The following PCDHGC3 variants were observed in gnomAD, a reference collection of about 807,000 sequenced individuals.
PCDHGC3 encodes the protein protocadherin gamma subfamily C, 3, also known as protocadherin gamma-C3.
PCDHGC3 carries 26 observed loss-of-function variants against 59.2 expected under a neutral mutation model. The observed-to-expected ratio is 0.44, with a 90% CI of 0.32 to 0.61. The LOEUF (loss-of-function observed/expected upper bound fraction) is 0.61, where lower values mean the gene tolerates loss of function less well. Ranked by LOEUF, PCDHGC3 falls within the 20% of genes least tolerant of loss-of-function variation. PCDHGC3 has a pLI of 0.05. For missense variants in PCDHGC3, 1,080 were observed against 1,221.8 expected (o/e 0.88, Z 1.73); for synonymous variants, 487 against 519.7 (o/e 0.94, Z 0.86).
rs2099748032 is a variant in PCDHGC3 at position 141,493,397 on chromosome 5, G to A, written c.2431-1410G>A. ...TTAAAAGCTTGAGGACAGGAGAGGG[G>A]AGTTGCCTCTGCTGGGATTTTGCTT... On this transcript the variant is annotated intron_variant, in intron 1 of 3. Coordinates refer to ENST00000308177, the MANE Select transcript of PCDHGC3 (RefSeq NM_002588.4). This position sits in a 1 kb window ranked among gnomAD's most constrained non-coding sequence, Gnocchi z 4.3. Among the ~76,000 whole-genome samples the A allele has an allele frequency of 6.6e-6, 1 of 152,176 alleles. No individual in the cohort carries two copies. Among genetic ancestry groups the A allele is most frequent in the Non-Finnish European group, 1.5e-5 (1 of 68,040 alleles).
At position 141,477,758 on chromosome 5, in the gene PCDHGC3, G is replaced by A; in HGVS notation, c.1642G>A (p.Ala548Thr). 2 of 1,613,924 alleles carry A rather than the reference G, an allele frequency of 1.2e-6. No homozygotes were observed. The highest frequency in any genetic ancestry group is 1.7e-5 in the Admixed American group (1 of 60,022). Residue 548 changes from alanine to threonine, a missense_variant, in exon 1 of 4, where the codon GCC (alanine) becomes ACC (threonine). Transcript: ENST00000308177. The surrounding 1 kb of genome is among the most constrained non-coding windows in gnomAD (Gnocchi z 4.9). ...HISDGGTPVL[A>T]TNISVNIFVT... ...CAGCGATGGGGGCACCCCGGTCCTA[G>A]CCACCAACATCAGCGTGAACATATT...
rs201391904 is a variant in PCDHGC3, at chr5:141,494,843, G to A, written c.2467G>A (p.Ala823Thr). Residue 823 changes from alanine to threonine, a missense_variant, in exon 2 of 4, where the codon GCC becomes ACC. Transcript: ENST00000308177. ...PPNTDWRFSQ[A>T]QRPGTSGSQN... is the part of the protein sequence containing the mutation. ...CAACACGGACTGGCGTTTCTCTCAG[G>A]CCCAGAGACCCGGCACCAGCGGGTA... 1.9e-6 allele frequency: 3 copies of A among 1,614,088 alleles called. No homozygotes were observed. Among genetic ancestry groups the A allele is most frequent in the Admixed American group, 3.3e-5 (2 of 60,008 alleles).
Position 141,490,293 on chromosome 5 carries a change from A to G in PCDHGC3, c.2431-4514A>G, listed in dbSNP as rs1316965652. On this transcript the variant is annotated intron_variant, in intron 1 of 3. Transcript: ENST00000308177. The surrounding 1 kb of genome is among the most constrained non-coding windows in gnomAD (Gnocchi z 5.4). ...TCAATGACAATGCCCCAGAGGTGCTATTGGCCTCTTTGGCCAACCCTGTCC... is the reference window on the plus strand; with the variant it reads ...TCAATGACAATGCCCCAGAGGTGCTGTTGGCCTCTTTGGCCAACCCTGTCC... The G allele has an allele frequency of 1.2e-6, 2 of 1,614,190 alleles. No individual in the cohort carries two copies. The highest frequency in any genetic ancestry group is 8.5e-7 in the Non-Finnish European group (1 of 1,180,028).
chr5:141,486,083 C>T lies in PCDHGC3; in HGVS notation c.2430+7537C>T, dbSNP rs367657659. On this transcript the variant is annotated intron_variant, in intron 1 of 3. Coordinates refer to ENST00000308177, the MANE Select transcript of PCDHGC3 (RefSeq NM_002588.4). This position sits in a 1 kb window ranked among gnomAD's most constrained non-coding sequence, Gnocchi z 5.0. ...GCACCCCACTACTGGAAAGCTTACTCTTTTGGGGCCCCTAGACTTTGAGAG... is the reference window on the plus strand; with the variant it reads ...GCACCCCACTACTGGAAAGCTTACTTTTTTGGGGCCCCTAGACTTTGAGAG... The T allele has an allele frequency of 1.2e-6, 2 of 1,614,062 alleles. No individual in the cohort carries two copies. Among genetic ancestry groups the T allele is most frequent in the Non-Finnish European group, 1.7e-6 (2 of 1,180,040 alleles).
intron 2 of PCDHGC3, among the ~76,000 whole-genome samples, chr5:141,501,018 G>A (rs1337771734): frequency 2.0e-5 from 3 of 151,882 alleles, no homozygotes; most frequent in East Asian, 1.9e-4. Context: ...ACAGGCACGC[G>A]CCACCACGCC....
At chr5:141,510,579 C>T (rs2099881748) in intron 3 of PCDHGC3, among the ~76,000 whole-genome samples, 1 of 152,170 alleles carries the variant, frequency 6.6e-6, no homozygotes, top group Non-Finnish European at 1.5e-5. Flanking sequence ...CACTATTTTA[C>T]GTACCTGACA....
chr5:141,477,705 G>A lies in PCDHGC3; in HGVS notation c.1589G>A (p.Arg530Gln), dbSNP rs1285254654. The change falls in exon 1 of 4, where the codon CGG (arginine) becomes CAG (glutamine). Residue 530 changes from arginine to glutamine, a missense_variant. Coordinates refer to ENST00000308177, the MANE Select transcript of PCDHGC3 (RefSeq NM_002588.4). The surrounding 1 kb of genome is among the most constrained non-coding windows in gnomAD (Gnocchi z 4.9). ...SSLVPLDYED[R>Q]REFELTAHIS... ...TTAGTGCCCCTAGACTATGAGGATCGGCGGGAATTTGAATTAACAGCTCAT... is the reference window on the plus strand; with the variant it reads ...TTAGTGCCCCTAGACTATGAGGATCAGCGGGAATTTGAATTAACAGCTCAT... The A allele has an allele frequency of 6.2e-7, 1 of 1,614,008 alleles. No homozygotes were observed. Among genetic ancestry groups the A allele is most frequent in the Non-Finnish European group, 8.5e-7 (1 of 1,180,048 alleles).
intron 2 of PCDHGC3, among the ~76,000 whole-genome samples, chr5:141,498,872 G>T (rs912789877): frequency 1.4e-4 from 21 of 151,650 alleles, no homozygotes; most frequent in Non-Finnish European, 2.9e-4. Flanking sequence ...GGCGGAGGTT[G>T]CAGTGAGCTG....
In PCDHGC3 at chr5:141,485,109, C is replaced by A; in HGVS notation, c.2430+6563C>A. ...AGATAGGTGTCTCCAGCTGCTGTGG[C>A]TGTTTGGGGCGGGTCGGCTTCATCC... On this transcript the variant is annotated intron_variant, in intron 1 of 3. Transcript: ENST00000308177. This position sits in a 1 kb window ranked among gnomAD's most constrained non-coding sequence, Gnocchi z 5.7. The A allele has an allele frequency of 1.6e-6, 2 of 1,230,962 alleles. No individual in the cohort carries two copies. The highest frequency in any genetic ancestry group is 2.4e-6 in the Non-Finnish European group (2 of 850,024). The allele number at this position is 1,230,962 out of a possible 1,614,324, so 76.3% of individuals were successfully genotyped here.
chr5:141,489,530 G>C lies in PCDHGC3; in HGVS notation c.2431-5277G>C, dbSNP rs751249228. 17 of 1,614,092 alleles carry C rather than the reference G, an allele frequency of 1.1e-5. 1 individual carries two copies. In the South Asian group the frequency reaches 1.9e-4, roughly 18 times the overall value. ...AAGATTGACCGAGAAAGCCTATGTG[G>C]AGCCAGCACCAGCTGCCTGCTGCCA... On this transcript the variant is annotated intron_variant, in intron 1 of 3. Coordinates refer to ENST00000308177, the MANE Select transcript of PCDHGC3 (RefSeq NM_002588.4). The surrounding 1 kb of genome is among the most constrained non-coding windows in gnomAD (Gnocchi z 4.5).
intron 1 of PCDHGC3, among the ~76,000 whole-genome samples, chr5:141,488,870 G>T (rs2099680071): frequency 6.6e-6 from 1 of 152,224 alleles, no homozygotes; most frequent in African/African-American, 2.4e-5. Context: ...TGAGTGGGGA[G>T]GTAGGAAGCT....
Position 141,487,613 on chromosome 5 carries a change from G to C in PCDHGC3, c.2431-7194G>C, listed in dbSNP as rs1460090760. 1 of 1,614,218 alleles carries C rather than the reference G, an allele frequency of 6.2e-7. No homozygotes were observed. ...ACCCTCTGATCTTCTCTATGGGCTA[G>C]AGGTGAGACCTTTGCAGGCTCAACA... On this transcript the variant is annotated intron_variant, in intron 1 of 3. Coordinates refer to ENST00000308177, the MANE Select transcript of PCDHGC3 (RefSeq NM_002588.4). The surrounding 1 kb of genome is among the most constrained non-coding windows in gnomAD (Gnocchi z 5.0).
At chr5:141,508,162 G>A (rs377676571) in intron 3 of PCDHGC3, 4 of 152,502 alleles carry the variant, frequency 2.6e-5, no homozygotes, top group African/African-American at 9.7e-5. Context: ...CCTGAGTAGA[G>A]GCTGGCACAG....
rs2099389707 is a variant in PCDHGC3, at chr5:141,476,358, G to A, written c.242G>A (p.Arg81Gln). The change falls in exon 1 of 4, where the codon CGG (arginine) becomes CAG (glutamine). Residue 81 changes from arginine to glutamine, a missense_variant. Arg to Gln is a conservative substitution (Grantham distance 43). Transcript: ENST00000308177. This position sits in a 1 kb window ranked among gnomAD's most constrained non-coding sequence, Gnocchi z 7.6. ...GASRRFFEVN[R>Q]ETGEMFVNDR... ...AGCCGAAGATTCTTTGAGGTGAACC[G>A]GGAGACCGGAGAGATGTTTGTGAAC... 6.2e-7 allele frequency: 1 copy of A among 1,614,134 alleles called. No individual in the cohort carries two copies. The highest frequency in any genetic ancestry group is 8.5e-7 in the Non-Finnish European group (1 of 1,180,022).
At chr5:141,488,564 G>T (rs1047904416) in intron 1 of PCDHGC3, among the ~76,000 whole-genome samples, 1 of 152,154 alleles carries the variant, frequency 6.6e-6, no homozygotes, top group African/African-American at 2.4e-5. Context: ...TGAGATTTCC[G>T]CAAAGCATTG....
At position 141,491,834 on chromosome 5, in the gene PCDHGC3, C is replaced by T; in HGVS notation, c.2431-2973C>T. 6 of 1,473,830 alleles carry T rather than the reference C, an allele frequency of 4.1e-6. No homozygotes were observed. The highest frequency in any genetic ancestry group is 5.4e-6 in the Non-Finnish European group (6 of 1,112,366). The allele number at this position is 1,473,830 out of a possible 1,614,324, so 91.3% of individuals were successfully genotyped here. ...CGCTGGCTGCGCTCCACCCGATTCTCGGGATCATTGGACCGTTTGCGCGAA... is the reference window on the plus strand; with the variant it reads ...CGCTGGCTGCGCTCCACCCGATTCTTGGGATCATTGGACCGTTTGCGCGAA... On this transcript the variant is annotated intron_variant, in intron 1 of 3. Transcript: ENST00000308177. This position sits in a 1 kb window ranked among gnomAD's most constrained non-coding sequence, Gnocchi z 6.9.
chr5:141,478,987 G>T (rs1007857792), intron 1 of PCDHGC3, among the ~76,000 whole-genome samples: 8 of 152,144 alleles, frequency 5.3e-5, no homozygotes, highest in African/African-American at 1.4e-4. Flanking sequence ...TGTGACATTT[G>T]TATTAAAACT....
In PCDHGC3 at chr5:141,478,233, TG is replaced by T. The variant is rs1467423955; in HGVS notation, c.2119del (p.Val707SerfsTer6). 6 of 1,614,126 alleles carry T rather than the reference TG, an allele frequency of 3.7e-6. No homozygotes were observed. Among genetic ancestry groups the T allele is most frequent in the Non-Finnish European group, 5.1e-6 (6 of 1,180,028 alleles). On this transcript the variant is annotated frameshift_variant, in exon 1 of 4. Coordinates refer to ENST00000308177, the MANE Select transcript of PCDHGC3 (RefSeq NM_002588.4). LOFTEE classifies it high-confidence loss of function. ...LSLILVSVGF[V>X]VTVFGVIIFK... ...CTAATCCTGGTTTCTGTGGGGTTTG[TG>T]GTCACAGTGTTCGGAGTAATCATAT...
chr5:141,511,823 GC>G lies in PCDHGC3; in HGVS notation c.*653del, dbSNP rs2099883963. On this transcript the variant is annotated 3_prime_UTR_variant, in exon 4 of 4. Coordinates refer to ENST00000308177, the MANE Select transcript of PCDHGC3 (RefSeq NM_002588.4). The stretch of plus-strand genomic sequence containing the variant: ...TTTTGCTACCAAGCCTCTTCCCAAC[GC>G]CCTGGGGACCAGTCTTCTGTTTTGT... The G allele has an allele frequency of 6.4e-6, 1 of 156,728 alleles. No individual in the cohort carries two copies. The highest frequency in any genetic ancestry group is 1.9e-4 in the South Asian group (1 of 5,164). 9.7% of individuals were successfully genotyped at this position (156,728 alleles called of 1,614,324 possible).
Sources: allele counts gnomAD v4.1 joint callset (sites outside exome capture counted in the v4.1 genomes callset), GRCh38; gene constraint gnomAD v4.1.1; non-coding constraint Gnocchi (gnomAD v3.1); transcripts MANE v1.5; gene names NCBI Gene and HGNC (gene_info 2026-07-23, HGNC 2026-07-21).